Variants in ARID4B observed in about 807,000 individuals in gnomAD.
ARID4B encodes the protein AT-rich interaction domain 4B, also known as AT-rich interactive domain-containing protein 4B.
In ARID4B, 26 loss-of-function variants were observed where a neutral mutation model predicts 147.5. That is an observed-to-expected ratio of 0.18 (90% CI 0.13 to 0.24). The LOEUF (loss-of-function observed/expected upper bound fraction) is 0.24, where lower values mean the gene tolerates loss of function less well. Ranked by LOEUF, ARID4B falls within the 10% of genes least tolerant of loss-of-function variation. The probability of loss-of-function intolerance (pLI) is 1.00; values close to 1 mark genes in which losing one functional copy is unlikely to be tolerated. For missense variants in ARID4B, 1,179 were observed against 1,511.5 expected (o/e 0.78, Z 3.65); for synonymous variants, 512 against 507.9 (o/e 1.01, Z -0.11).
intron 22 of ARID4B, 56 bp downstream of exon 22, chr1:235,175,128 C>T (rs993694869): frequency 6.0e-6 from 9 of 1,490,972 alleles, no homozygotes; most frequent in Non-Finnish European, 8.4e-6. Context: ...CAAAATAAAA[C>T]AAAAAGAGTT....
chr1:235,199,655 A>G (rs1665751690), intron 17 of ARID4B, among the ~76,000 whole-genome samples: 2 of 152,196 alleles, frequency 1.3e-5, no homozygotes, highest in Non-Finnish European at 2.9e-5. Context: ...TTTAGTGAAG[A>G]GTGAGAGACC....
intron 17 of ARID4B, among the ~76,000 whole-genome samples, chr1:235,208,604 G>A (rs566719055): frequency 6.6e-6 from 1 of 152,118 alleles, no homozygotes; most frequent in East Asian, 1.9e-4. Flanking sequence ...CCAGGTTCGA[G>A]CGATTCTCCT....
intron 11 of ARID4B, among the ~76,000 whole-genome samples, chr1:235,226,084 CA>C (rs1347980813): frequency 1.3e-5 from 2 of 152,058 alleles, no homozygotes; most frequent in Non-Finnish European, 2.9e-5. Flanking sequence ...TTTCCTATTC[CA>C]AAAACATTTA....
rs1667390282 is a variant in ARID4B, at chr1:235,220,527, C to T, written c.1182G>A (p.Glu394=). 2.5e-6 allele frequency: 4 copies of T among 1,595,960 alleles called. No homozygotes were observed. The highest frequency in any genetic ancestry group is 2.6e-6 in the Non-Finnish European group (3 of 1,172,400). The change falls in exon 15 of 24, where the codon GAG becomes GAA. Residue 394 remains glutamate (E), a synonymous_variant. Coordinates refer to ENST00000264183, the MANE Select transcript of ARID4B (RefSeq NM_016374.6). The part of the protein sequence containing the change: ...CAYKKYLYGF[E]EYCRSANIEF... ...CAATGTTGGCTGATCTACAGTACTCCTCAAAACCATATAAGTATCTGGAAA... is the reference window on the plus strand; with the variant it reads ...CAATGTTGGCTGATCTACAGTACTCTTCAAAACCATATAAGTATCTGGAAA...
At chr1:235,170,610 C>T (rs1403298721) in intron 23 of ARID4B, among the ~76,000 whole-genome samples, 10 of 151,932 alleles carry the variant, frequency 6.6e-5, no homozygotes, top group South Asian at 2.1e-4. Context: ...TGGTGGTGGG[C>T]GCCTGTAGTC....
At chr1:235,274,993 TTGTGTGTGTGTGTG>T (rs72168611) in intron 2 of ARID4B, among the ~76,000 whole-genome samples, 3 of 148,420 alleles carry the variant, frequency 2.0e-5, no homozygotes. Context: ...AGGCCTAATT[TTGTGTGTGTGTGTG>T]TGTGTGTGTG....
chr1:235,290,998 C>G (rs2103210372), intron 2 of ARID4B, among the ~76,000 whole-genome samples: 1 of 152,212 alleles, frequency 6.6e-6, no homozygotes, highest in South Asian at 2.1e-4. Context: ...GTTCAGGAGG[C>G]TGAGGTTGGA....
intron 2 of ARID4B, among the ~76,000 whole-genome samples, chr1:235,282,453 T>C (rs979202114): frequency 1.3e-5 from 2 of 152,218 alleles, no homozygotes; most frequent in African/African-American, 4.8e-5. Flanking sequence ...CGAAAATTAG[T>C]TGTATGAGTG....
intron 2 of ARID4B, among the ~76,000 whole-genome samples, chr1:235,304,805 T>G (rs373029679): frequency 3.9e-5 from 6 of 152,232 alleles, no homozygotes; most frequent in East Asian, 1.9e-4. Flanking sequence ...ATTAAGTGTA[T>G]TCTATGCATG....
At chr1:235,270,030 T>A (rs575047945) in intron 2 of ARID4B, among the ~76,000 whole-genome samples, 191 of 152,302 alleles carry the variant, frequency 1.3e-3, no homozygotes, top group Non-Finnish European at 2.1e-3. Flanking sequence ...ACGCCTGTAA[T>A]CCAAGCATTT....
chr1:235,236,834 AT>A lies in ARID4B; in HGVS notation c.586-2343del, dbSNP rs1361219024. 9.7e-3 allele frequency among the ~76,000 whole-genome samples: 204 copies of A among 21,138 alleles called. 21 individuals carry two copies. In the East Asian group the frequency reaches 0.21, roughly 21 times the overall value. The allele number at this position is 21,138 out of a possible 152,430, so 13.9% of individuals were successfully genotyped here. A position where few individuals can be genotyped will look rare whatever the true frequency, so the allele number is the denominator to read the frequency against. ...GGCCCACAAAACGGTTTTATAAAAA[AT>A]ATATATATATATATATATATATATA... is the stretch of plus-strand genomic sequence containing the variant. On this transcript the variant is annotated intron_variant, in intron 8 of 23. Coordinates refer to ENST00000264183, the MANE Select transcript of ARID4B (RefSeq NM_016374.6).
intron 8 of ARID4B, among the ~76,000 whole-genome samples, chr1:235,237,964 G>A (rs575241727): frequency 8.6e-5 from 13 of 151,952 alleles, no homozygotes; most frequent in African/African-American, 2.9e-4. Context: ...CAGCCTGACC[G>A]ACATGGAGAA....
chr1:235,296,855 A>G (rs1462691430), intron 2 of ARID4B, among the ~76,000 whole-genome samples: 18 of 33,566 alleles, frequency 5.4e-4, no homozygotes, highest in South Asian at 1.2e-3. Flanking sequence ...GGAGGGAGGG[A>G]AGGAAGGGAG....
intron 2 of ARID4B, among the ~76,000 whole-genome samples, chr1:235,289,741 A>AG (rs1672209565): frequency 6.7e-6 from 1 of 148,970 alleles, no homozygotes; most frequent in African/African-American, 2.4e-5. Context: ...AAAAAAAAAA[A>AG]GCCAACCATT....
At chr1:235,205,243 A>G (rs1216447064) in intron 17 of ARID4B, among the ~76,000 whole-genome samples, 1 of 152,250 alleles carries the variant, frequency 6.6e-6, no homozygotes, top group East Asian at 1.9e-4. Context: ...AAAAAAATGA[A>G]GGACACAAAA....
chr1:235,309,808 T>G (rs1172727466), intron 2 of ARID4B, among the ~76,000 whole-genome samples: 1 of 152,204 alleles, frequency 6.6e-6, no homozygotes, highest in Non-Finnish European at 1.5e-5. Flanking sequence ...CATGGGAGAC[T>G]TTTCCTTTTG....
chr1:235,303,383 A>G (rs1217333399), intron 2 of ARID4B, among the ~76,000 whole-genome samples: 1 of 151,722 alleles, frequency 6.6e-6, no homozygotes, highest in Admixed American at 6.6e-5. Flanking sequence ...GGTGGGGGAA[A>G]AAAAAAAAAG....
rs1553309179 is a variant in ARID4B, at chr1:235,275,020, T to TGTGC, written c.7-14272_7-14269dup. 6.3e-4 allele frequency among the ~76,000 whole-genome samples: 93 copies of TGTGC among 148,630 alleles called. 4 individuals are homozygous for TGTGC. The highest frequency in any genetic ancestry group is 2.1e-3 in the South Asian group (10 of 4,752). On this transcript the variant is annotated intron_variant, in intron 2 of 23. Coordinates refer to ENST00000264183, the MANE Select transcript of ARID4B (RefSeq NM_016374.6). ...GTGTGTGTGTGTGTGTGTGTGTGTG[T>TGTGC]GTGCACGCGCGCAGACCGCTCTGCC...
intron 21 of ARID4B, chr1:235,176,920 T>C: frequency 2.1e-6 from 1 of 471,186 alleles, no homozygotes; most frequent in Non-Finnish European, 4.4e-6. Flanking sequence ...AAAAATTCTT[T>C]ACATATTTTC....
Sources: allele counts gnomAD v4.1 joint callset (sites outside exome capture counted in the v4.1 genomes callset), GRCh38; gene constraint gnomAD v4.1.1; transcripts MANE v1.5; gene names NCBI Gene and HGNC (gene_info 2026-07-23, HGNC 2026-07-21).